Variants in BACE2 observed in about 807,000 individuals in gnomAD.
BACE2 encodes the protein beta-secretase 2.
BACE2 carries 17 observed loss-of-function variants against 46.2 expected under a neutral mutation model. The ratio of observed to expected loss-of-function variants is 0.37; its 90% CI spans 0.25 to 0.55. The LOEUF is 0.55. BACE2 is among the 20% of genes least tolerant of loss of function. The pLI is 0.82. For synonymous variants in BACE2, 277 were observed against 295.9 expected (o/e 0.94, Z 0.66); for missense variants, 595 against 698.1 (o/e 0.85, Z 1.66).
Position 41,174,138 on chromosome 21 carries a change from C to CTTTTTTTTTT in BACE2, c.312+5563_312+5564insTTTTTTTTTT, listed in dbSNP as rs1568853912. On this transcript the variant is annotated intron_variant, in intron 1 of 8. Transcript: ENST00000330333. ...TAAGGATAGCTGTTGTGATCAGTGG[C>CTTTTTTTTTT]CTTTTTTTTTTTTTTTTTTTTTTTT... is the stretch of plus-strand genomic sequence containing the variant. 7.4e-4 allele frequency among the ~76,000 whole-genome samples: 52 copies of CTTTTTTTTTT among 70,642 alleles called. 6 individuals are homozygous for CTTTTTTTTTT. Among genetic ancestry groups the CTTTTTTTTTT allele is most frequent in the African/African-American group, 4.3e-3 (45 of 10,560 alleles). 46.3% of individuals were successfully genotyped at this position (70,642 alleles called of 152,430 possible).
Position 41,179,327 on chromosome 21 carries a change from G to A in BACE2, c.312+10752G>A, listed in dbSNP as rs533994147. 1,002 of 1,319,464 alleles carry A rather than the reference G, an allele frequency of 7.6e-4. 15 individuals carry two copies. In the South Asian group the frequency reaches 0.012, roughly 15 times the overall value. The allele number at this position is 1,319,464 out of a possible 1,614,324, so 81.7% of individuals were successfully genotyped here. A position where few individuals can be genotyped will look rare whatever the true frequency, so the allele number is the denominator to read the frequency against. On this transcript the variant is annotated intron_variant, in intron 1 of 8. Coordinates refer to ENST00000330333, the MANE Select transcript of BACE2 (RefSeq NM_012105.5). ...TGTCAGGGTGAGTGAGAGTGTCCAG[G>A]GTGAGGAGTGAGGGTATCCAGGGTG...
intron 1 of BACE2, among the ~76,000 whole-genome samples, chr21:41,192,995 A>G (rs1985626207): frequency 6.6e-6 from 1 of 152,222 alleles, no homozygotes; most frequent in Non-Finnish European, 1.5e-5. Context: ...AATTTTAGTC[A>G]TATTTATTTC....
Position 41,212,283 on chromosome 21 carries a change from C to T in BACE2, c.313-13983C>T, listed in dbSNP as rs754190504. Among the ~76,000 whole-genome samples the T allele has an allele frequency of 5.9e-5, 9 of 152,288 alleles. No homozygotes were observed. The South Asian group carries it at 6.2e-4, about 11-fold the overall frequency. ...CAAAAGGGATGAGCGAGCGCTCTCA[C>T]GTACTTTTGTAAGGGCACTAATCCT... On this transcript the variant is annotated intron_variant, in intron 1 of 8. Coordinates refer to ENST00000330333, the MANE Select transcript of BACE2 (RefSeq NM_012105.5).
rs773478396 is a variant in BACE2, at chr21:41,275,444, C to A, written c.1377C>A (p.Pro459=). 6.2e-7 allele frequency: 1 copy of A among 1,614,202 alleles called. No individual in the cohort carries two copies. Among genetic ancestry groups the A allele is most frequent in the Non-Finnish European group, 8.5e-7 (1 of 1,180,038 alleles). ...STEDVASNCV[P]AQSLSEPILW... ...AGGATGTAGCCAGCAACTGTGTCCC[C>A]GCTCAGTCTTTGAGCGAGCCCATTT... Residue 459 remains proline, a synonymous_variant, in exon 9 of 9, where the codon CCC becomes CCA. Coordinates refer to ENST00000330333, the MANE Select transcript of BACE2 (RefSeq NM_012105.5).
intron 8 of BACE2, among the ~76,000 whole-genome samples, chr21:41,261,029 A>T (rs139420350): frequency 6.6e-6 from 1 of 152,192 alleles, no homozygotes; most frequent in Non-Finnish European, 1.5e-5. Flanking sequence ...ACTGCATACT[A>T]TCTCACTTTA....
intron 2 of BACE2, among the ~76,000 whole-genome samples, chr21:41,234,134 T>A (rs1324802382): frequency 6.6e-6 from 1 of 152,160 alleles, no homozygotes; most frequent in East Asian, 1.9e-4. Flanking sequence ...TTCGTGGCAG[T>A]GAATAAGTTT....
At chr21:41,224,437 C>T (rs1293159875) in intron 1 of BACE2, among the ~76,000 whole-genome samples, 2 of 151,952 alleles carry the variant, frequency 1.3e-5, no homozygotes, top group Non-Finnish European at 2.9e-5. Context: ...GATCCACTCA[C>T]CTCGGCCTCC....
chr21:41,168,521 G>A lies in BACE2; in HGVS notation c.258G>A (p.Gly86=), dbSNP rs2123477884. The A allele has an allele frequency of 2.2e-6, 3 of 1,355,196 alleles. No individual in the cohort carries two copies. Among genetic ancestry groups the A allele is most frequent in the African/African-American group, 1.5e-5 (1 of 66,690 alleles). The allele number at this position is 1,355,196 out of a possible 1,614,324, so 83.9% of individuals were successfully genotyped here. ...NFLAMVDNLQ[G]DSGRGYYLEM... ...TGGCCATGGTAGACAACCTGCAGGG[G>A]GACTCTGGCCGCGGCTACTACCTGG... The change falls in exon 1 of 9, where the codon GGG becomes GGA. Residue 86 remains glycine, a synonymous_variant. Transcript: ENST00000330333.
chr21:41,195,842 G>T (rs934614729), intron 1 of BACE2, among the ~76,000 whole-genome samples: 3 of 152,180 alleles, frequency 2.0e-5, no homozygotes. Flanking sequence ...AGCATTCAAG[G>T]GTTGAGAAGT....
At chr21:41,171,907 G>A (rs1390043902) in intron 1 of BACE2, among the ~76,000 whole-genome samples, 2 of 152,202 alleles carry the variant, frequency 1.3e-5, no homozygotes, top group Admixed American at 1.3e-4. Flanking sequence ...TTTTAATCAT[G>A]GTGCATTCAC....
At chr21:41,179,012 C>T (rs1984966860) in intron 1 of BACE2, 1 of 994,548 alleles carries the variant, frequency 1.0e-6, no homozygotes, top group Non-Finnish European at 1.3e-6. Context: ...AGGACTGAGC[C>T]TTCAGAAGTT....
chr21:41,183,044 T>C (rs183972277), intron 1 of BACE2: 2 of 166,634 alleles, frequency 1.2e-5, no homozygotes, highest in Non-Finnish European at 2.9e-5. Flanking sequence ...AAGGAAGAAG[T>C]CATGAACTTC....
intron 8 of BACE2, among the ~76,000 whole-genome samples, chr21:41,262,933 G>T (rs1987977004): frequency 6.7e-6 from 1 of 148,228 alleles, no homozygotes; most frequent in Non-Finnish European, 1.5e-5. Context: ...CATATAATCT[G>T]CAAATCATAT....
intron 2 of BACE2, chr21:41,236,549 T>C (rs1447439940): frequency 6.6e-6 from 1 of 152,280 alleles, no homozygotes; most frequent in African/African-American, 2.4e-5. Context: ...GTGATTCATG[T>C]TCTGGCATGC....
chr21:41,180,130 T>C (rs1985060398), intron 1 of BACE2: 4 of 194,306 alleles, frequency 2.1e-5, no homozygotes, highest in Non-Finnish European at 2.3e-5. Flanking sequence ...TATATGCAAA[T>C]GAAGGGGCAG....
At chr21:41,267,004 G>A (rs58404061) in intron 8 of BACE2, among the ~76,000 whole-genome samples, 13,978 of 151,242 alleles carry the variant, frequency 0.092, 809 homozygotes, top group African/African-American at 0.17. Context: ...GTGTTTGTCC[G>A]ATGACACTTA....
intron 8 of BACE2, among the ~76,000 whole-genome samples, chr21:41,272,857 G>A (rs1278702147): frequency 6.6e-6 from 1 of 152,112 alleles, no homozygotes; most frequent in Non-Finnish European, 1.5e-5. Context: ...CAATGTTTAT[G>A]TCCTGCCAAA....
At chr21:41,185,320 G>C (rs954829532) in intron 1 of BACE2, 6 of 152,388 alleles carry the variant, frequency 3.9e-5, no homozygotes, top group Non-Finnish European at 8.8e-5. Flanking sequence ...TGGAGGAAGG[G>C]AAAGGGGTAA....
At chr21:41,217,007 C>G (rs1347021366) in intron 1 of BACE2, among the ~76,000 whole-genome samples, 2 of 152,202 alleles carry the variant, frequency 1.3e-5, no homozygotes, top group East Asian at 3.9e-4. Flanking sequence ...TCTTGGCTTA[C>G]TGCAACTTCT....
Sources: allele counts gnomAD v4.1 joint callset (sites outside exome capture counted in the v4.1 genomes callset), GRCh38; gene constraint gnomAD v4.1.1; transcripts MANE v1.5; gene names NCBI Gene and HGNC (gene_info 2026-07-23, HGNC 2026-07-21).